Variants in CLYBL observed in about 807,000 individuals in gnomAD.
CLYBL encodes citramalyl-CoA lyase.
In CLYBL, 31 loss-of-function variants were observed where a neutral mutation model predicts 38.9. The observed-to-expected ratio is 0.80, with a 90% CI of 0.60 to 1.08. The LOEUF is 1.08. Ranked by LOEUF, CLYBL falls within the 50% of genes least tolerant of loss-of-function variation. CLYBL has a pLI of 0.00. For synonymous variants in CLYBL, 171 were observed against 158.6 expected, an observed-to-expected ratio of 1.08 and a Z score of -0.59; for missense variants, 434 against 411.6, an observed-to-expected ratio of 1.05 and a Z score of -0.47.
chr13:99,658,120 T>C (rs986081389), intron 1 of CLYBL, among the ~76,000 whole-genome samples: 4 of 152,186 alleles, frequency 2.6e-5, no homozygotes, highest in African/African-American at 9.7e-5. Flanking sequence ...AGGATGCCAG[T>C]TCGATGTGCG....
At chr13:99,737,331 A>G (rs139878046) in intron 1 of CLYBL, among the ~76,000 whole-genome samples, 153 of 152,316 alleles carry the variant, frequency 1.0e-3, no homozygotes, top group African/African-American at 3.5e-3. Context: ...GCTGTTATCA[A>G]TTGGGCTTCC....
chr13:99,636,707 A>G (rs1309739382), intron 1 of CLYBL, among the ~76,000 whole-genome samples: 1 of 152,134 alleles, frequency 6.6e-6, no homozygotes, highest in African/African-American at 2.4e-5. Context: ...TTTGTTGTGC[A>G]CAGTATGCCT....
Position 99,751,058 on chromosome 13 carries a change from G to A in CLYBL, c.63-21766G>A, listed in dbSNP as rs560520060. On this transcript the variant is annotated intron_variant, in intron 1 of 8. Coordinates refer to ENST00000339105, the MANE Select transcript of CLYBL (RefSeq NM_206808.5). ...AACACGTATTTGTACAGCCATGTTC[G>A]TAGCAGCACTATTCACATTAGCAAA... Among the ~76,000 whole-genome samples the A allele has an allele frequency of 1.6e-4, 24 of 152,208 alleles. No homozygotes were observed. The South Asian group carries it at 2.7e-3, about 17-fold the overall frequency.
chr13:99,762,793 A>G (rs1306377901), intron 1 of CLYBL, among the ~76,000 whole-genome samples: 4 of 152,224 alleles, frequency 2.6e-5, no homozygotes, highest in African/African-American at 7.2e-5. Context: ...AGCTGTGAAC[A>G]TAGATTAGAA....
At chr13:99,815,632 T>C (rs1055880891) in intron 2 of CLYBL, among the ~76,000 whole-genome samples, 1 of 152,160 alleles carries the variant, frequency 6.6e-6, no homozygotes, top group Non-Finnish European at 1.5e-5. Context: ...AGGCCTGTAA[T>C]CCCAATACTT....
intron 1 of CLYBL, among the ~76,000 whole-genome samples, chr13:99,721,036 A>G (rs1030318694): frequency 2.1e-5 from 3 of 141,300 alleles, no homozygotes; most frequent in Non-Finnish European, 4.5e-5. Flanking sequence ...TAGTTCCCTA[A>G]TTCTTTTTTT....
intron 2 of CLYBL, among the ~76,000 whole-genome samples, chr13:99,780,425 G>T (rs2049618152): frequency 6.6e-6 from 1 of 152,136 alleles, no homozygotes; most frequent in South Asian, 2.1e-4. Context: ...CTGTCACCCA[G>T]GCTGGAGTGC....
chr13:99,771,029 T>C (rs1725154397), intron 1 of CLYBL, among the ~76,000 whole-genome samples: 1 of 10,384 alleles, frequency 9.6e-5, no homozygotes, highest in Non-Finnish European at 2.9e-4. Flanking sequence ...CCTTTTTTTT[T>C]TTTTTTTTTT....
At chr13:99,745,489 T>A (rs1254881073) in intron 1 of CLYBL, among the ~76,000 whole-genome samples, 2 of 152,160 alleles carry the variant, frequency 1.3e-5, no homozygotes, top group Admixed American at 1.3e-4. Context: ...TCCCTTAAAA[T>A]TAGAGGAAGT....
intron 1 of CLYBL, among the ~76,000 whole-genome samples, chr13:99,660,012 CAG>C: frequency 6.6e-6 from 1 of 152,152 alleles, no homozygotes; most frequent in East Asian, 1.9e-4. Flanking sequence ...CCTGTGGAGA[CAG>C]AGAGGAGATA....
intron 1 of CLYBL, among the ~76,000 whole-genome samples, chr13:99,704,169 A>G (rs1166886881): frequency 6.6e-6 from 1 of 152,166 alleles, no homozygotes; most frequent in East Asian, 1.9e-4. Context: ...ACTCTGAATG[A>G]GTGTTGTCAT....
intron 2 of CLYBL, among the ~76,000 whole-genome samples, chr13:99,800,348 C>T (rs2050107344): frequency 6.6e-6 from 1 of 152,152 alleles, no homozygotes; most frequent in African/African-American, 2.4e-5. Context: ...TGAATTTTAC[C>T]TGAGGAGGTG....
intron 1 of CLYBL, among the ~76,000 whole-genome samples, chr13:99,701,849 A>T (rs1052966010): frequency 6.6e-6 from 1 of 151,490 alleles, no homozygotes; most frequent in African/African-American, 2.4e-5. Context: ...TAATTTTTGT[A>T]TTAGTAGAGA....
chr13:99,879,863 T>C (rs896038632), intron 7 of CLYBL, among the ~76,000 whole-genome samples: 2 of 151,932 alleles, frequency 1.3e-5, no homozygotes, highest in African/African-American at 4.8e-5. Flanking sequence ...CCAGTAGCAA[T>C]GGTGGTAGCA....
intron 2 of CLYBL, among the ~76,000 whole-genome samples, chr13:99,786,176 CT>C (rs1228326680): frequency 7.3e-6 from 1 of 136,392 alleles, no homozygotes. Context: ...TCATAATTGC[CT>C]TTTTTTTTCT....
chr13:99,895,129 ATAT>A (rs990069231), downstream of CLYBL: 3 of 152,294 alleles, frequency 2.0e-5, no homozygotes, highest in Middle Eastern at 3.4e-3. Context: ...TAAAATAGAC[ATAT>A]TATTATCATT....
At chr13:99,717,490 C>CG (rs1452967822) in intron 1 of CLYBL, among the ~76,000 whole-genome samples, 1 of 148,848 alleles carries the variant, frequency 6.7e-6, no homozygotes. Flanking sequence ...GGCAGGGTCT[C>CG]GGTCTGTTGC....
chr13:99,819,554 G>T (rs1468609768), intron 2 of CLYBL, among the ~76,000 whole-genome samples: 1 of 149,124 alleles, frequency 6.7e-6, no homozygotes, highest in African/African-American at 2.5e-5. Flanking sequence ...ATTGGCTAAC[G>T]TGGTTAGGGA....
At position 99,732,017 on chromosome 13, in the gene CLYBL, A is replaced by G. The variant is rs550196262; in HGVS notation, c.63-40807A>G. On this transcript the variant is annotated intron_variant, in intron 1 of 8. Transcript: ENST00000339105. ...CAGGGGCTTGGGATGGCTGCAGCAC[A>G]TTCTGCTGGGGCTTTGTTTTCCTTG... 6.6e-5 allele frequency among the ~76,000 whole-genome samples: 10 copies of G among 152,146 alleles called. No homozygotes were observed. In the East Asian group the frequency reaches 1.7e-3, roughly 26 times the overall value.
Sources: gnomAD v4.1 joint callset for allele counts (sites outside exome capture counted in the v4.1 genomes callset) on GRCh38, gnomAD v4.1.1 for gene constraint, MANE v1.5 for transcripts, NCBI Gene and HGNC (gene_info 2026-07-23, HGNC 2026-07-21) for gene names.